Variants in ERI1 observed in about 807,000 individuals in gnomAD.
ERI1 encodes the protein exoribonuclease 1, also known as 3'-5' exoribonuclease 1.
Under a neutral mutation model 39.7 loss-of-function variants are expected in ERI1, and 39 were observed. The ratio of observed to expected loss-of-function variants is 0.98; its 90% CI spans 0.76 to 1.28. ERI1 has a LOEUF of 1.28. ERI1 is among the 50% of genes most tolerant of loss of function. The pLI, the probability that ERI1 is intolerant of heterozygous loss-of-function variation, is 0.00. For synonymous variants in ERI1, 204 were observed against 149.6 expected, an observed-to-expected ratio of 1.36 and a Z score of -2.65; for missense variants, 581 against 416.9, an observed-to-expected ratio of 1.39 and a Z score of -3.43.
chr8:9,099,082 G>T (rs1356091953), intron 3 of ERI1, among the ~76,000 whole-genome samples: 2 of 151,958 alleles, frequency 1.3e-5, no homozygotes, highest in Admixed American at 1.3e-4. Flanking sequence ...TGATCCACCT[G>T]CCTCAGCCTC....
chr8:9,062,172 G>A (rs1439807893), intron 3 of ERI1, among the ~76,000 whole-genome samples: 1 of 152,150 alleles, frequency 6.6e-6, no homozygotes, highest in Admixed American at 6.6e-5. Context: ...AAAGCGTGCT[G>A]TGGGACAGGA....
intron 3 of ERI1, among the ~76,000 whole-genome samples, chr8:9,056,865 G>C (rs1798524826): frequency 6.6e-6 from 1 of 152,104 alleles, no homozygotes; most frequent in African/African-American, 2.4e-5. Flanking sequence ...ACAAAGTCTT[G>C]CTCTGTCACC....
Position 9,049,473 on chromosome 8 carries a change from A to G in ERI1, n.299+29009A>G, listed in dbSNP as rs573086406. ...AGGTTGGGGTGAAGGGAGTGCGGGGAGTCCTGCAACTAGACCTTTGGATCT... is the reference window on the plus strand; with the variant it reads ...AGGTTGGGGTGAAGGGAGTGCGGGGGGTCCTGCAACTAGACCTTTGGATCT... On this transcript the variant is annotated intron_variant and non_coding_transcript_variant, in intron 3 of 3. Coordinates refer to the ERI1 transcript ENST00000518663. Among the ~76,000 whole-genome samples, 7 of 149,288 alleles carry G rather than the reference A, an allele frequency of 4.7e-5. No individual in the cohort carries two copies. In the South Asian group the frequency reaches 1.5e-3, roughly 32 times the overall value.
chr8:9,067,927 C>T (rs969960127), intron 3 of ERI1, among the ~76,000 whole-genome samples: 1 of 151,046 alleles, frequency 6.6e-6, no homozygotes, highest in South Asian at 2.1e-4. Context: ...TACAAATACA[C>T]ACACACACAC....
chr8:9,011,673 A>C lies in ERI1; in HGVS notation c.419A>C (p.Glu140Ala). Residue 140 changes from glutamate (E) to alanine (A), a missense_variant, in exon 3 of 7, where the codon GAA becomes GCA. Physicochemically the swap from Glu to Ala is moderately radical, Grantham distance 107. Coordinates refer to ENST00000250263, the MANE Select transcript of ERI1 (RefSeq NM_153332.4). The part of the protein sequence containing the change: ...ICIIDFEATC[E>A]EGNPPEFVHE... ...ATTATTGACTTTGAAGCCACTTGTG[A>C]AGAAGGAAACCCACCTGAGTTTGTA... 6.2e-7 allele frequency: 1 copy of C among 1,613,746 alleles called. No individual in the cohort carries two copies. Among genetic ancestry groups the C allele is most frequent in the East Asian group, 2.2e-5 (1 of 44,858 alleles).
intron 3 of ERI1, among the ~76,000 whole-genome samples, chr8:9,014,412 C>G (rs192017723): frequency 2.6e-5 from 4 of 152,176 alleles, no homozygotes; most frequent in East Asian, 1.9e-4. Flanking sequence ...TTCTGACCCC[C>G]CTTACTGCTC....
chr8:9,009,544 AT>A (rs906799526), intron 2 of ERI1, among the ~76,000 whole-genome samples: 4 of 152,012 alleles, frequency 2.6e-5, no homozygotes, highest in South Asian at 4.1e-4. Context: ...CATGCCTTTT[AT>A]TTTTTATTTT....
At chr8:9,040,330 G>A (rs943589835) in intron 3 of ERI1, among the ~76,000 whole-genome samples, 3 of 152,118 alleles carry the variant, frequency 2.0e-5, no homozygotes, top group Non-Finnish European at 2.9e-5. Context: ...AGTTTAGAAC[G>A]GGGAAAGTCA....
At chr8:9,062,247 C>T (rs1054974140) in intron 3 of ERI1, among the ~76,000 whole-genome samples, 7 of 151,846 alleles carry the variant, frequency 4.6e-5, no homozygotes, top group Non-Finnish European at 8.8e-5. Context: ...CATGATCAGT[C>T]GCCAAGGAGG....
downstream of ERI1, among the ~76,000 whole-genome samples, chr8:9,038,011 C>T (rs139623228): frequency 6.2e-4 from 94 of 151,598 alleles, no homozygotes; most frequent in African/African-American, 2.1e-3. Flanking sequence ...CTCCCTAATA[C>T]TTGAAAAAAA....
At chr8:9,095,238 C>A (rs1799839211) in intron 3 of ERI1, among the ~76,000 whole-genome samples, 1 of 152,132 alleles carries the variant, frequency 6.6e-6, no homozygotes, top group African/African-American at 2.4e-5. Flanking sequence ...AGGTTTGTTA[C>A]ATGGGTGTAT....
At chr8:9,086,168 C>T (rs1254414838) in intron 3 of ERI1, among the ~76,000 whole-genome samples, 1 of 152,180 alleles carries the variant, frequency 6.6e-6, no homozygotes, top group Non-Finnish European at 1.5e-5. Flanking sequence ...AATCCCAGAA[C>T]TTTGGGAGGC....
intron 3 of ERI1, among the ~76,000 whole-genome samples, chr8:9,073,854 A>T (rs570557119): frequency 6.6e-6 from 1 of 152,326 alleles, no homozygotes; most frequent in South Asian, 2.1e-4. Context: ...ACTTATTCAC[A>T]ACTAGCTTCT....
chr8:9,024,925 G>A (rs111950644), intron 6 of ERI1, among the ~76,000 whole-genome samples: 1,732 of 140,590 alleles, frequency 0.012, 33 homozygotes, highest in South Asian at 0.11. Context: ...TTCTGCCTTT[G>A]CTCTTCATGC....
rs1797565845 is a variant in ERI1 at position 9,031,227 on chromosome 8, A to G, written c.*1193A>G. ...CTAAAGATTTATATTTTATAACCAG[A>G]TGAATTTCCTCAAAGGTTTCCAAAC... On this transcript the variant is annotated 3_prime_UTR_variant, in exon 7 of 7. Transcript: ENST00000250263. 6.6e-6 allele frequency: 1 copy of G among 152,190 alleles called. No individual in the cohort carries two copies. Among genetic ancestry groups the G allele is most frequent in the African/African-American group, 2.4e-5 (1 of 41,450 alleles). The allele number at this position is 152,190 out of a possible 1,614,324, so 9.4% of individuals were successfully genotyped here.
At position 9,033,132 on chromosome 8, in the gene ERI1, A is replaced by T. The variant is rs1369425729; in HGVS notation, c.*3098A>T. On this transcript the variant is annotated 3_prime_UTR_variant, in exon 7 of 7. Coordinates refer to ENST00000250263, the MANE Select transcript of ERI1 (RefSeq NM_153332.4). Reference sequence around the variant, plus strand: ...CCTGTATATCAAGCCTCCTTGCCCCACAAAGCTTCCAAAGCCCGTAAATTT... The same window carrying T: ...CCTGTATATCAAGCCTCCTTGCCCCTCAAAGCTTCCAAAGCCCGTAAATTT... The T allele has an allele frequency of 6.6e-6, 1 of 152,290 alleles. No homozygotes were observed. The highest frequency in any genetic ancestry group is 1.9e-4 in the East Asian group (1 of 5,180). The allele number at this position is 152,290 out of a possible 1,614,324, so 9.4% of individuals were successfully genotyped here.
chr8:9,095,932 C>T (rs902552944), intron 3 of ERI1, among the ~76,000 whole-genome samples: 4 of 152,256 alleles, frequency 2.6e-5, no homozygotes, highest in South Asian at 4.2e-4. Flanking sequence ...GAGCCCTCGC[C>T]GCCTAGCTGC....
intron 3 of ERI1, among the ~76,000 whole-genome samples, chr8:9,058,398 C>T (rs914305113): frequency 2.6e-5 from 4 of 152,268 alleles, no homozygotes; most frequent in Admixed American, 2.0e-4. Context: ...TACTCATGGG[C>T]CTAGCTCCTG....
In ERI1 at chr8:9,015,175, C is replaced by A. The variant is rs140500053; in HGVS notation, c.499-1147C>A. Among the ~76,000 whole-genome samples, 327 of 152,252 alleles carry A rather than the reference C, an allele frequency of 2.1e-3. 2 individuals carry two copies. The highest frequency in any genetic ancestry group is 7.5e-3 in the African/African-American group (310 of 41,552). On this transcript the variant is annotated intron_variant, in intron 3 of 6. Transcript: ENST00000250263. ...TTTGTTCTTTACTGTTGCTCATTTA[C>A]AATTCTTTACAACCATTTATAGCTC... is the stretch of plus-strand genomic sequence containing the variant.
Sources: gnomAD v4.1 joint callset for allele counts (sites outside exome capture counted in the v4.1 genomes callset) on GRCh38, gnomAD v4.1.1 for gene constraint, MANE v1.5 for transcripts, NCBI Gene and HGNC (gene_info 2026-07-23, HGNC 2026-07-21) for gene names.